Variants in DCDC1 observed in about 807,000 individuals in gnomAD.
DCDC1 encodes the protein doublecortin domain-containing protein 1.
A neutral mutation model predicts 178.3 loss-of-function variants in DCDC1; 200 were observed. The observed-to-expected ratio is 1.12, with a 90% CI of 1.00 to 1.26. The LOEUF is 1.26. DCDC1 is among the 50% of genes most tolerant of loss of function. The pLI is 0.00. For missense variants in DCDC1, 1,983 were observed against 1,749.2 expected (o/e 1.13, Z -2.38); for synonymous variants, 690 against 604.8 (o/e 1.14, Z -2.07).
chr11:31,182,940 G>T (rs924708982), intron 9 of DCDC1, among the ~76,000 whole-genome samples: 2 of 151,438 alleles, frequency 1.3e-5, no homozygotes, highest in African/African-American at 4.9e-5. Flanking sequence ...AAAAAAAGCA[G>T]GGGTTGCAAT....
At chr11:31,329,628 C>CATTT (rs1489737356) in intron 2 of DCDC1, among the ~76,000 whole-genome samples, 1 of 152,146 alleles carries the variant, frequency 6.6e-6, no homozygotes, top group Non-Finnish European at 1.5e-5. Context: ...CAATTCCCAC[C>CATTT]TATGAGTGAG....
intron 20 of DCDC1, among the ~76,000 whole-genome samples, chr11:31,001,959 A>G (rs1951604478): frequency 6.6e-6 from 1 of 152,220 alleles, no homozygotes; most frequent in East Asian, 1.9e-4. Context: ...AAATATTGCA[A>G]TGTAAATATG....
intron 1 of DCDC1, among the ~76,000 whole-genome samples, chr11:31,336,541 T>C (rs528178616): frequency 6.6e-6 from 1 of 152,312 alleles, no homozygotes; most frequent in African/African-American, 2.4e-5. Flanking sequence ...AAAAAGACAA[T>C]TTTGAATTCT....
intron 21 of DCDC1, 83 bp from the exon 22 acceptor site, chr11:30,932,035 T>A (rs1407172850): frequency 7.3e-5 from 97 of 1,329,488 alleles, no homozygotes; most frequent in Non-Finnish European, 9.2e-5. Context: ...AAACACAGTT[T>A]ATACCTTTAA....
intron 9 of DCDC1, among the ~76,000 whole-genome samples, chr11:31,176,820 G>C (rs1012616704): frequency 1.3e-5 from 2 of 152,106 alleles, no homozygotes; most frequent in African/African-American, 2.4e-5. Flanking sequence ...AAGAAATGAA[G>C]GGGAAATAAG....
At chr11:31,020,521 C>T (rs1952797915) in intron 20 of DCDC1, among the ~76,000 whole-genome samples, 1 of 152,192 alleles carries the variant, frequency 6.6e-6, no homozygotes, top group Non-Finnish European at 1.5e-5. Flanking sequence ...TAGAGGTAAT[C>T]TTTGGCCACT....
chr11:31,245,189 TTC>T (rs982974066), intron 8 of DCDC1, among the ~76,000 whole-genome samples: 1 of 151,624 alleles, frequency 6.6e-6, no homozygotes, highest in African/African-American at 2.4e-5. Context: ...TCCCATAGCA[TTC>T]TCTCTCTCTT....
chr11:31,301,037 T>C (rs1948079122), intron 6 of DCDC1, among the ~76,000 whole-genome samples: 1 of 152,216 alleles, frequency 6.6e-6, no homozygotes. Flanking sequence ...TCCACACCTA[T>C]TTTATATACC....
intron 9 of DCDC1, among the ~76,000 whole-genome samples, chr11:31,138,624 G>C (rs1963446070): frequency 6.6e-6 from 1 of 152,144 alleles, no homozygotes; most frequent in African/African-American, 2.4e-5. Flanking sequence ...TTGAGGATTG[G>C]AGTAAAAATG....
chr11:31,296,638 A>T (rs1314168597), intron 6 of DCDC1, among the ~76,000 whole-genome samples: 1 of 152,200 alleles, frequency 6.6e-6, no homozygotes, highest in African/African-American at 2.4e-5. Flanking sequence ...AGACATAGCC[A>T]AGACTGGGTA....
intron 3 of DCDC1, among the ~76,000 whole-genome samples, chr11:31,315,968 C>T (rs1188604222): frequency 2.6e-5 from 3 of 113,500 alleles, no homozygotes; most frequent in African/African-American, 4.3e-5. Flanking sequence ...ATCCATGTCC[C>T]TACAAAGGAT....
In DCDC1 at chr11:31,182,511, T is replaced by C. The variant is rs1269929717; in HGVS notation, c.1222-44727A>G. Among the ~76,000 whole-genome samples the C allele has an allele frequency of 3.3e-5, 5 of 152,226 alleles. No individual in the cohort carries two copies. The East Asian group carries it at 9.6e-4, about 29-fold the overall frequency. On this transcript the variant is annotated intron_variant, in intron 9 of 38. Transcript: ENST00000684477. Reference sequence around the variant, plus strand: ...TAAGCAAAGGAGAAATAAAGTACTTTATGGACAAGCAAATGTTGAGAGATT... The same window carrying C: ...TAAGCAAAGGAGAAATAAAGTACTTCATGGACAAGCAAATGTTGAGAGATT...
At chr11:31,287,357 C>T (rs1946910132) in intron 7 of DCDC1, among the ~76,000 whole-genome samples, 4 of 151,670 alleles carry the variant, frequency 2.6e-5, no homozygotes, top group African/African-American at 4.8e-5. Flanking sequence ...AAGTTCAGTT[C>T]GTAAGATCCA....
chr11:31,154,025 G>T (rs1393173677), intron 9 of DCDC1, among the ~76,000 whole-genome samples: 2 of 152,136 alleles, frequency 1.3e-5, no homozygotes, highest in African/African-American at 2.4e-5. Flanking sequence ...GATCATGGGG[G>T]CAGATTTCTC....
intron 20 of DCDC1, among the ~76,000 whole-genome samples, chr11:31,016,446 G>A (rs1020226099): frequency 2.0e-5 from 3 of 152,216 alleles, no homozygotes. Context: ...AAGCAGGTAT[G>A]TGGAGAGGAT....
At chr11:31,007,354 G>T (rs1951905902) in intron 20 of DCDC1, among the ~76,000 whole-genome samples, 1 of 152,218 alleles carries the variant, frequency 6.6e-6, no homozygotes, top group African/African-American at 2.4e-5. Flanking sequence ...ACACTTGGAA[G>T]TAAGATTGCC....
At chr11:31,292,720 A>C (rs567025554) in intron 6 of DCDC1, among the ~76,000 whole-genome samples, 1 of 152,242 alleles carries the variant, frequency 6.6e-6, no homozygotes, top group East Asian at 1.9e-4. Flanking sequence ...TGAATGTACT[A>C]AATGCTACTA....
chr11:31,171,108 G>A (rs998198169), intron 9 of DCDC1, among the ~76,000 whole-genome samples: 1 of 152,124 alleles, frequency 6.6e-6, no homozygotes, highest in Admixed American at 6.5e-5. Context: ...GATTACAGAC[G>A]TGAGCCATTG....
chr11:30,947,095 G>A (rs1317973490), intron 21 of DCDC1, among the ~76,000 whole-genome samples: 1 of 152,156 alleles, frequency 6.6e-6, no homozygotes, highest in Non-Finnish European at 1.5e-5. Context: ...ATCACAGGTT[G>A]ATCCTTGGAG....
Sources: allele counts gnomAD v4.1 joint callset (sites outside exome capture counted in the v4.1 genomes callset), GRCh38; gene constraint gnomAD v4.1.1; transcripts MANE v1.5; gene names NCBI Gene and HGNC (gene_info 2026-07-23, HGNC 2026-07-21).